FBXL7: variants seen among roughly 807,000 people sequenced by gnomAD.
The protein encoded by FBXL7 is F-box and leucine rich repeat protein 7.
FBXL7 carries 12 observed loss-of-function variants against 38.3 expected under a neutral mutation model. That is an observed-to-expected ratio of 0.31 (90% CI 0.20 to 0.51). FBXL7 has a LOEUF of 0.51. Ranked by LOEUF, FBXL7 falls within the 20% of genes least tolerant of loss-of-function variation. The pLI is 0.98. For missense variants in FBXL7, 567 were observed against 676.4 expected (o/e 0.84, Z 1.79); for synonymous variants, 297 against 300.9 (o/e 0.99, Z 0.13).
intron 2 of FBXL7, among the ~76,000 whole-genome samples, chr5:15,852,890 C>T (rs1042046247): frequency 3.3e-5 from 5 of 152,094 alleles, no homozygotes; most frequent in African/African-American, 1.2e-4. Flanking sequence ...AATGGTTATA[C>T]AAATAAGTAA....
chr5:15,505,618 T>C (rs1186693010), intron 1 of FBXL7, among the ~76,000 whole-genome samples: 2 of 152,112 alleles, frequency 1.3e-5, no homozygotes, highest in African/African-American at 2.4e-5. Context: ...TATAAGGGGC[T>C]AAGGTCCCTG....
In FBXL7 at chr5:15,514,558, A is replaced by G. The variant is rs150402022; in HGVS notation, c.37+13845A>G. 1.4e-3 allele frequency among the ~76,000 whole-genome samples: 213 copies of G among 152,336 alleles called. 1 individual carries two copies. The highest frequency in any genetic ancestry group is 5.1e-3 in the African/African-American group (211 of 41,582). ...AAGAAAACAGCTTTGCTAAGGTCAT[A>G]CAGATAGCAAGGCCTTGGGATACTA... is the stretch of plus-strand genomic sequence containing the variant. On this transcript the variant is annotated intron_variant, in intron 1 of 3. Coordinates refer to ENST00000504595, the MANE Select transcript of FBXL7 (RefSeq NM_012304.5).
chr5:15,807,108 C>T (rs1316030676), intron 2 of FBXL7, among the ~76,000 whole-genome samples: 6 of 152,082 alleles, frequency 3.9e-5, no homozygotes, highest in Non-Finnish European at 5.9e-5. Flanking sequence ...CACACCACCA[C>T]GCCTGGCTAA....
intron 3 of FBXL7, among the ~76,000 whole-genome samples, chr5:15,934,738 G>A (rs1742132587): frequency 6.6e-6 from 1 of 152,196 alleles, no homozygotes; most frequent in Non-Finnish European, 1.5e-5. Context: ...ACTGTTGGAA[G>A]TTGGATGATC....
At chr5:15,810,042 G>A (rs1206128405) in intron 2 of FBXL7, among the ~76,000 whole-genome samples, 4 of 152,064 alleles carry the variant, frequency 2.6e-5, no homozygotes, top group African/African-American at 4.8e-5. Flanking sequence ...ATCTATTTTG[G>A]TGGGGTATTC....
chr5:15,656,072 C>A (rs1311612829), intron 2 of FBXL7, among the ~76,000 whole-genome samples: 1 of 152,136 alleles, frequency 6.6e-6, no homozygotes, highest in Non-Finnish European at 1.5e-5. Context: ...TAAAACATTT[C>A]TTGGTTTATG....
rs116555900 is a variant in FBXL7, at chr5:15,906,098, A to G, written c.128-21792A>G. 3.5e-3 allele frequency among the ~76,000 whole-genome samples: 530 copies of G among 152,202 alleles called. 3 individuals are homozygous for G. The highest frequency in any genetic ancestry group is 0.012 in the African/African-American group (506 of 41,526). On this transcript the variant is annotated intron_variant, in intron 2 of 3. Coordinates refer to ENST00000504595, the MANE Select transcript of FBXL7 (RefSeq NM_012304.5). ...AACTAAAAGCAAAGATTGCCTAGAAAAGTGGTTCTAAATAAAGATCATCGC... is the reference window on the plus strand; with the variant it reads ...AACTAAAAGCAAAGATTGCCTAGAAGAGTGGTTCTAAATAAAGATCATCGC...
At chr5:15,516,384 C>T (rs1025991431) in intron 1 of FBXL7, among the ~76,000 whole-genome samples, 66 of 152,308 alleles carry the variant, frequency 4.3e-4, no homozygotes, top group African/African-American at 1.4e-3. Flanking sequence ...TACTAAACTT[C>T]GTACTTTGAG....
intron 1 of FBXL7, among the ~76,000 whole-genome samples, chr5:15,601,470 A>G (rs762989934): frequency 2.6e-5 from 4 of 152,298 alleles, no homozygotes; most frequent in Non-Finnish European, 4.4e-5. Flanking sequence ...CATCTGTCTC[A>G]GTGTCAGCTG....
At chr5:15,932,668 G>T (rs1228881975) in intron 3 of FBXL7, among the ~76,000 whole-genome samples, 1 of 152,004 alleles carries the variant, frequency 6.6e-6, no homozygotes, top group Non-Finnish European at 1.5e-5. Context: ...CTTGCCCCTT[G>T]CTTTCCTTTC....
chr5:15,892,892 C>T (rs949530636), intron 2 of FBXL7, among the ~76,000 whole-genome samples: 14 of 152,002 alleles, frequency 9.2e-5, no homozygotes, highest in East Asian at 1.9e-4. Flanking sequence ...CCGAGGGGGG[C>T]GGATCACGAG....
intron 1 of FBXL7, among the ~76,000 whole-genome samples, chr5:15,581,617 T>A (rs941425306): frequency 6.6e-6 from 1 of 152,232 alleles, no homozygotes; most frequent in African/African-American, 2.4e-5. Flanking sequence ...TCTCCCAGAA[T>A]TGAAACACTT....
intron 1 of FBXL7, among the ~76,000 whole-genome samples, chr5:15,560,843 A>G (rs1738390626): frequency 6.6e-6 from 1 of 151,946 alleles, no homozygotes; most frequent in East Asian, 1.9e-4. Flanking sequence ...CATATGTATT[A>G]TAATATTAAT....
At chr5:15,705,084 C>T (rs894358486) in intron 2 of FBXL7, among the ~76,000 whole-genome samples, 5 of 152,116 alleles carry the variant, frequency 3.3e-5, no homozygotes, top group Non-Finnish European at 7.3e-5. Context: ...ATTTTGCATT[C>T]TCACAATTCT....
chr5:15,710,909 A>C (rs1449226631), intron 2 of FBXL7, among the ~76,000 whole-genome samples: 1 of 152,120 alleles, frequency 6.6e-6, no homozygotes, highest in South Asian at 2.1e-4. Context: ...CTCATCTTCA[A>C]TTGTAATTCC....
intron 1 of FBXL7, among the ~76,000 whole-genome samples, chr5:15,541,507 C>T (rs1204696202): frequency 8.7e-6 from 1 of 114,820 alleles, no homozygotes; most frequent in Non-Finnish European, 1.7e-5. Flanking sequence ...AAGTATTGTT[C>T]CCATCTTACC....
chr5:15,570,200 G>T (rs1357943174), intron 1 of FBXL7, among the ~76,000 whole-genome samples: 1 of 152,148 alleles, frequency 6.6e-6, no homozygotes, highest in Admixed American at 6.5e-5. Context: ...GTAGAATTCG[G>T]CTGTGAATCC....
At chr5:15,500,863 G>C (rs1736469612) in intron 1 of FBXL7, 150 bp downstream of exon 1, 5 of 939,612 alleles carry the variant, frequency 5.3e-6, no homozygotes, top group Non-Finnish European at 8.1e-6. Context: ...CTTTGGCAGT[G>C]AGTGACCAGT....
At chr5:15,750,149 TAAGTA>T (rs1418013029) in intron 2 of FBXL7, among the ~76,000 whole-genome samples, 1 of 152,230 alleles carries the variant, frequency 6.6e-6, no homozygotes, top group Non-Finnish European at 1.5e-5. Context: ...AGGAATAAAA[TAAGTA>T]AAGATCCCTT....
Sources: gnomAD v4.1 joint callset for allele counts (sites outside exome capture counted in the v4.1 genomes callset) on GRCh38, gnomAD v4.1.1 for gene constraint, MANE v1.5 for transcripts, NCBI Gene and HGNC (gene_info 2026-07-23, HGNC 2026-07-21) for gene names.